KIF13B: variants seen among roughly 807,000 people sequenced by gnomAD.
The protein encoded by KIF13B is kinesin family member 13B, also known as kinesin-like protein KIF13B.
KIF13B carries 127 observed loss-of-function variants against 222.0 expected under a neutral mutation model. The ratio of observed to expected loss-of-function variants is 0.57; its 90% CI spans 0.50 to 0.66. The LOEUF is 0.66. Among genes scored for constraint, KIF13B ranks in the 30% least tolerant of loss-of-function variants. KIF13B has a pLI of 0.00. For synonymous variants in KIF13B, 976 were observed against 919.0 expected (o/e 1.06, Z -1.12); for missense variants, 2,173 against 2,379.0 (o/e 0.91, Z 1.80).
intron 25 of KIF13B, among the ~76,000 whole-genome samples, 192 bp downstream of exon 25, chr8:29,126,930 C>A (rs1264020273): frequency 6.6e-6 from 1 of 152,114 alleles, no homozygotes; most frequent in Non-Finnish European, 1.5e-5. Context: ...GCCACCTACA[C>A]CAGGGCAAAA....
At chr8:29,149,902 C>A (rs1372197956) in intron 15 of KIF13B, among the ~76,000 whole-genome samples, 1 of 151,962 alleles carries the variant, frequency 6.6e-6, no homozygotes, top group East Asian at 1.9e-4. Context: ...GAAAAGAATT[C>A]CTAAAAGAAC....
At chr8:29,204,381 G>T (rs1813834796) in intron 2 of KIF13B, among the ~76,000 whole-genome samples, 1 of 152,142 alleles carries the variant, frequency 6.6e-6, no homozygotes, top group Admixed American at 6.5e-5. Context: ...CACACCGGCA[G>T]AATGAGTTTC....
chr8:29,247,442 A>G (rs1586983380), intron 1 of KIF13B, among the ~76,000 whole-genome samples: 1 of 152,208 alleles, frequency 6.6e-6, no homozygotes, highest in Admixed American at 6.5e-5. Context: ...CACCATCGAC[A>G]GTGAAAAAGG....
intron 32 of KIF13B, among the ~76,000 whole-genome samples, chr8:29,113,096 G>C (rs1161121171): frequency 6.6e-6 from 1 of 152,100 alleles, no homozygotes; most frequent in Non-Finnish European, 1.5e-5. Context: ...AGTAATTTAC[G>C]CAAGTTCACT....
chr8:29,179,764 G>A (rs1812633862), intron 8 of KIF13B, among the ~76,000 whole-genome samples: 1 of 152,194 alleles, frequency 6.6e-6, no homozygotes, highest in African/African-American at 2.4e-5. Flanking sequence ...CCTGCTTCCT[G>A]GATCACAGCT....
At chr8:29,099,926 C>T (rs778018896) in intron 35 of KIF13B, among the ~76,000 whole-genome samples, 1 of 152,174 alleles carries the variant, frequency 6.6e-6, no homozygotes, top group African/African-American at 2.4e-5. Flanking sequence ...CCCTTTTTCA[C>T]TCAGTTCTCC....
intron 2 of KIF13B, among the ~76,000 whole-genome samples, chr8:29,230,384 G>A (rs17059829): frequency 0.068 from 10,341 of 152,086 alleles, 477 homozygotes; most frequent in African/African-American, 0.12. Flanking sequence ...TCTATAAATT[G>A]GCCTATCCTC....
At chr8:29,171,748 T>C (rs1812248662) in intron 10 of KIF13B, among the ~76,000 whole-genome samples, 1 of 148,990 alleles carries the variant, frequency 6.7e-6, no homozygotes, top group Non-Finnish European at 1.5e-5. Context: ...ATCATATAAT[T>C]TTTTTTTCTT....
intron 37 of KIF13B, among the ~76,000 whole-genome samples, chr8:29,086,229 T>C (rs1237005207): frequency 6.6e-6 from 1 of 152,094 alleles, no homozygotes; most frequent in Non-Finnish European, 1.5e-5. Flanking sequence ...GGGGCTGGGG[T>C]TTTGTTTAGA....
At chr8:29,239,773 G>A (rs552260376) in intron 2 of KIF13B, among the ~76,000 whole-genome samples, 17 of 152,206 alleles carry the variant, frequency 1.1e-4, no homozygotes, top group African/African-American at 3.1e-4. Context: ...AGCAATTCTC[G>A]TGCCTCAGCC....
chr8:29,177,131 G>T (rs1417030160), intron 9 of KIF13B, among the ~76,000 whole-genome samples: 2 of 152,138 alleles, frequency 1.3e-5, no homozygotes, highest in Non-Finnish European at 2.9e-5. Context: ...TGACACACCT[G>T]GGGGTGGGGG....
chr8:29,076,437 G>A (rs777836920), intron 37 of KIF13B, among the ~76,000 whole-genome samples: 5 of 152,204 alleles, frequency 3.3e-5, no homozygotes, highest in Admixed American at 6.5e-5. Context: ...CCCAGCCCTC[G>A]GCAGTCCTGG....
intron 2 of KIF13B, among the ~76,000 whole-genome samples, chr8:29,216,294 T>A (rs1197085411): frequency 6.6e-6 from 1 of 152,146 alleles, no homozygotes; most frequent in Non-Finnish European, 1.5e-5. Flanking sequence ...CCTAGGTCTC[T>A]CATTCTAAAG....
chr8:29,208,038 C>A (rs2130456266), intron 2 of KIF13B, among the ~76,000 whole-genome samples: 1 of 152,276 alleles, frequency 6.6e-6, no homozygotes, highest in South Asian at 2.1e-4. Context: ...CCAGTTAAGT[C>A]AGATATCTCA....
Position 29,092,763 on chromosome 8 carries a change from C to A in KIF13B, c.4440G>T (p.Pro1480=). The change falls in exon 37 of 40, where the codon CCG becomes CCT. Residue 1480 remains proline (P), a synonymous_variant. Transcript: ENST00000524189. Reference sequence around the variant, plus strand: ...TTTTTACCTGGTGTGCGAGGGGAGACGGCCGCTTGCCCCTCTTCTCATCGC... The same window carrying A: ...TTTTTACCTGGTGTGCGAGGGGAGAAGGCCGCTTGCCCCTCTTCTCATCGC... ...PVRDEKRGKR[P]SPLAHQPVPR... is the part of the protein sequence containing the mutation. 6.2e-7 allele frequency: 1 copy of A among 1,612,506 alleles called. No homozygotes were observed. Among genetic ancestry groups the A allele is most frequent in the South Asian group, 1.1e-5 (1 of 90,760 alleles).
intron 14 of KIF13B, among the ~76,000 whole-genome samples, chr8:29,153,332 T>C (rs993541721): frequency 2.0e-5 from 3 of 152,114 alleles, no homozygotes; most frequent in Non-Finnish European, 4.4e-5. Context: ...ATATCAGTAA[T>C]GAGAAATGAG....
intron 2 of KIF13B, among the ~76,000 whole-genome samples, chr8:29,215,854 G>A (rs1814454862): frequency 6.6e-6 from 1 of 152,170 alleles, no homozygotes; most frequent in Non-Finnish European, 1.5e-5. Context: ...AAAAGTAAAT[G>A]AGGATATGAA....
At chr8:29,172,580 G>A (rs1812293892) in intron 10 of KIF13B, among the ~76,000 whole-genome samples, 1 of 152,176 alleles carries the variant, frequency 6.6e-6, no homozygotes, top group Admixed American at 6.5e-5. Flanking sequence ...ATCAAGGACT[G>A]GTAATATGAA....
chr8:29,181,596 T>G (rs1812715275), intron 7 of KIF13B, among the ~76,000 whole-genome samples: 1 of 152,124 alleles, frequency 6.6e-6, no homozygotes, highest in African/African-American at 2.4e-5. Context: ...GTAAAAACAT[T>G]AACTGCAAAA....
Sources: allele counts gnomAD v4.1 joint callset (sites outside exome capture counted in the v4.1 genomes callset), GRCh38; gene constraint gnomAD v4.1.1; transcripts MANE v1.5; gene names NCBI Gene and HGNC (gene_info 2026-07-23, HGNC 2026-07-21).